Variants in ZMIZ1 observed in about 807,000 individuals in gnomAD.
ZMIZ1 encodes zinc finger MIZ domain-containing protein 1.
In ZMIZ1, 17 loss-of-function variants were observed where a neutral mutation model predicts 113.9. The observed-to-expected ratio is 0.15, with a 90% CI of 0.10 to 0.22. The LOEUF is 0.22. ZMIZ1 is among the 10% of genes least tolerant of loss of function. ZMIZ1 has a pLI of 1.00. For synonymous variants in ZMIZ1, 607 were observed against 603.1 expected (o/e 1.01, Z -0.09); for missense variants, 1,059 against 1,477.8 (o/e 0.72, Z 4.65).
rs147620775 is a variant in ZMIZ1 at position 79,302,208 on chromosome 10, G to A, written c.2121G>A (p.Thr707=). The A allele has an allele frequency of 3.6e-5, 58 of 1,613,232 alleles. No homozygotes were observed. The Middle Eastern group carries it at 1.3e-3, about 37-fold the overall frequency. The change falls in exon 18 of 25, where the codon ACG becomes ACA. Residue 707 remains threonine, a synonymous_variant. Transcript: ENST00000334512. ...KRLLPAEHCI[T]KIKRNFSSVA... ...TCCTGCCCGCAGAGCACTGTATCACGAAAAGTGAGTCAGGGTGGGGACGGG... is the reference window on the plus strand; with the variant it reads ...TCCTGCCCGCAGAGCACTGTATCACAAAAAGTGAGTCAGGGTGGGGACGGG...
intron 4 of ZMIZ1, among the ~76,000 whole-genome samples, chr10:79,165,960 G>GGGCTCTTCCTGCAGCTCAGC (rs1554860915): frequency 0.012 from 560 of 46,996 alleles, 7 homozygotes; most frequent in African/African-American, 0.052. Flanking sequence ...GTGTGTGTGT[G>GGGCTCTTCCTGCAGCTCAGC]TGTGTGTGTG....
In ZMIZ1 at chr10:79,312,828, T is replaced by G; in HGVS notation, c.*79T>G. ...CAACACACTTTTCCACCTGGGAGCCTGTGCCCTCAGACCGCCCCGCACCAG... is the reference window on the plus strand; with the variant it reads ...CAACACACTTTTCCACCTGGGAGCCGGTGCCCTCAGACCGCCCCGCACCAG... On this transcript the variant is annotated 3_prime_UTR_variant, in exon 25 of 25. Coordinates refer to ENST00000334512, the MANE Select transcript of ZMIZ1 (RefSeq NM_020338.4). 1 of 1,444,190 alleles carries G rather than the reference T, an allele frequency of 6.9e-7. No homozygotes were observed. The highest frequency in any genetic ancestry group is 9.7e-7 in the Non-Finnish European group (1 of 1,033,800). The allele number at this position is 1,444,190 out of a possible 1,614,324, so 89.5% of individuals were successfully genotyped here. A position where few individuals can be genotyped will look rare whatever the true frequency, so the allele number is the denominator to read the frequency against.
chr10:79,076,086 T>C (rs1842464863), intron 1 of ZMIZ1, among the ~76,000 whole-genome samples: 1 of 152,140 alleles, frequency 6.6e-6, no homozygotes, highest in South Asian at 2.1e-4. Flanking sequence ...TTCCTAAGCT[T>C]GTAGCATAAA....
intron 1 of ZMIZ1, among the ~76,000 whole-genome samples, chr10:79,086,949 T>C (rs1229459806): frequency 6.6e-6 from 1 of 152,212 alleles, no homozygotes; most frequent in African/African-American, 2.4e-5. Context: ...TAATTCTGCC[T>C]CTCCTTTTAT....
chr10:79,138,518 C>T (rs1176740044), intron 2 of ZMIZ1, among the ~76,000 whole-genome samples: 5 of 152,174 alleles, frequency 3.3e-5, no homozygotes, highest in Non-Finnish European at 7.3e-5. Flanking sequence ...CAGCCTAGTT[C>T]AAGTGTGGGG....
At chr10:79,091,529 T>C (rs1260194634) in intron 1 of ZMIZ1, among the ~76,000 whole-genome samples, 1 of 152,140 alleles carries the variant, frequency 6.6e-6, no homozygotes, top group African/African-American at 2.4e-5. Flanking sequence ...AGAAATCGGC[T>C]AATAAGTTCC....
chr10:79,278,444 T>A (rs941060936), intron 8 of ZMIZ1, among the ~76,000 whole-genome samples: 1 of 148,650 alleles, frequency 6.7e-6, no homozygotes, highest in African/African-American at 2.4e-5. Context: ...TTTTTTTAAT[T>A]TTTTTTAGTA....
At chr10:79,275,876 C>T (rs1852255554) in intron 7 of ZMIZ1, among the ~76,000 whole-genome samples, 1 of 152,122 alleles carries the variant, frequency 6.6e-6, no homozygotes, top group African/African-American at 2.4e-5. Context: ...TAATGATGTC[C>T]TAGATGGTCA....
intron 8 of ZMIZ1, among the ~76,000 whole-genome samples, chr10:79,279,125 C>T (rs1447395486): frequency 5.4e-5 from 8 of 148,928 alleles, no homozygotes; most frequent in Non-Finnish European, 1.0e-4. Flanking sequence ...ACCTCCCGGA[C>T]GGGGCGGCTG....
chr10:79,206,188 A>G (rs1848311175), intron 5 of ZMIZ1, among the ~76,000 whole-genome samples: 1 of 151,968 alleles, frequency 6.6e-6, no homozygotes, highest in Non-Finnish European at 1.5e-5. Flanking sequence ...AGGCCACACA[A>G]GCTGTCTGGG....
chr10:79,289,557 C>A (rs1853322750), intron 8 of ZMIZ1, among the ~76,000 whole-genome samples: 1 of 152,102 alleles, frequency 6.6e-6, no homozygotes, highest in South Asian at 2.1e-4. Context: ...CTGCAGTGAT[C>A]GGGGGAAAGG....
chr10:79,158,933 A>T (rs1846002769), intron 3 of ZMIZ1, among the ~76,000 whole-genome samples: 2 of 152,162 alleles, frequency 1.3e-5, no homozygotes, highest in Non-Finnish European at 2.9e-5. Context: ...GGAGCTTCAG[A>T]TGCACTGTGA....
At chr10:79,309,774 G>A (rs1854992413) in intron 23 of ZMIZ1, among the ~76,000 whole-genome samples, 1 of 152,146 alleles carries the variant, frequency 6.6e-6, no homozygotes, top group African/African-American at 2.4e-5. Flanking sequence ...CTGTGTGGCT[G>A]CCCCAGGATG....
intron 4 of ZMIZ1, among the ~76,000 whole-genome samples, chr10:79,185,138 T>C (rs1235081586): frequency 2.6e-5 from 4 of 152,136 alleles, no homozygotes; most frequent in African/African-American, 9.6e-5. Context: ...GGCCAAGCCT[T>C]GGTCTCCCAT....
chr10:79,270,711 A>C (rs535996276), intron 7 of ZMIZ1, among the ~76,000 whole-genome samples: 57 of 151,276 alleles, frequency 3.8e-4, no homozygotes, highest in African/African-American at 1.2e-3. Context: ...GCTGAGGTCA[A>C]CTCTCCCTTC....
intron 1 of ZMIZ1, among the ~76,000 whole-genome samples, chr10:79,088,035 C>T (rs752730745): frequency 6.6e-6 from 1 of 152,250 alleles, no homozygotes; most frequent in Non-Finnish European, 1.5e-5. Context: ...TTGAATAACA[C>T]ATGGTGGCTA....
intron 1 of ZMIZ1, among the ~76,000 whole-genome samples, chr10:79,093,260 G>A (rs887427286): frequency 5.3e-5 from 8 of 151,528 alleles, no homozygotes; most frequent in Admixed American, 6.6e-5. Flanking sequence ...AGAACCCTAC[G>A]CGGGAAGGAC....
At chr10:79,237,718 T>C (rs1474495669) in intron 7 of ZMIZ1, among the ~76,000 whole-genome samples, 1 of 152,232 alleles carries the variant, frequency 6.6e-6, no homozygotes, top group Non-Finnish European at 1.5e-5. Flanking sequence ...CCTACTTCCT[T>C]CCAAATAAAG....
rs565125947 is a variant in ZMIZ1, at chr10:79,296,051, AG to A, written c.1231-415del. ...GTTCAGCCTTGGAATGCAGGGGCAC[AG>A]GGGGCTCCTTTCTGGAATTGCATCC... On this transcript the variant is annotated intron_variant, in intron 12 of 24. Coordinates refer to ENST00000334512, the MANE Select transcript of ZMIZ1 (RefSeq NM_020338.4). This position sits in a 1 kb window ranked among gnomAD's most constrained non-coding sequence, Gnocchi z 4.1. 85 of 213,380 alleles carry A rather than the reference AG, an allele frequency of 4.0e-4. No individual in the cohort carries two copies. Among genetic ancestry groups the A allele is most frequent in the African/African-American group, 1.9e-3 (81 of 42,356 alleles). 13.2% of individuals were successfully genotyped at this position (213,380 alleles called of 1,614,324 possible). A position where few individuals can be genotyped will look rare whatever the true frequency, so the allele number is the denominator to read the frequency against.
Sources: allele counts gnomAD v4.1 joint callset (sites outside exome capture counted in the v4.1 genomes callset), GRCh38; gene constraint gnomAD v4.1.1; non-coding constraint Gnocchi (gnomAD v3.1); transcripts MANE v1.5; gene names NCBI Gene and HGNC (gene_info 2026-07-23, HGNC 2026-07-21).